Variants in EYS observed in about 807,000 individuals in gnomAD.
EYS encodes the protein EGF-like photoreceptor maintenance factor.
EYS carries 250 observed loss-of-function variants against 282.1 expected under a neutral mutation model. The ratio of observed to expected loss-of-function variants is 0.89; its 90% CI spans 0.80 to 0.98. The LOEUF is 0.98. Among genes scored for constraint, EYS ranks in the 50% least tolerant of loss-of-function variants. The pLI is 0.00. For synonymous variants in EYS, 1,355 were observed against 1,282.9 expected (o/e 1.06, Z -1.20); for missense variants, 4,016 against 3,709.0 (o/e 1.08, Z -2.15).
intron 5 of EYS, among the ~76,000 whole-genome samples, chr6:65,429,177 CAA>C (rs749099731): frequency 9.6e-5 from 12 of 125,590 alleles, no homozygotes; most frequent in African/African-American, 3.4e-4. Flanking sequence ...AAAATCATCT[CAA>C]AAAAAAAAAA....
intron 22 of EYS, among the ~76,000 whole-genome samples, chr6:64,730,048 T>A (rs898490637): frequency 5.3e-5 from 8 of 152,110 alleles, no homozygotes; most frequent in African/African-American, 1.9e-4. Context: ...AAACTAAGAG[T>A]GAAGCTTGAA....
intron 24 of EYS, among the ~76,000 whole-genome samples, chr6:64,616,418 TG>T (rs1347482792): frequency 1.2e-4 from 18 of 152,160 alleles, no homozygotes; most frequent in Non-Finnish European, 2.6e-4. Flanking sequence ...GGAAGATATC[TG>T]TTTGAGCTCA....
intron 12 of EYS, among the ~76,000 whole-genome samples, chr6:65,223,634 C>T (rs998349278): frequency 3.9e-4 from 60 of 152,064 alleles, no homozygotes; most frequent in African/African-American, 1.4e-3. Flanking sequence ...GAGAATATTG[C>T]CTAGAAGTAT....
At chr6:63,854,846 A>G (rs1398755892) in intron 36 of EYS, among the ~76,000 whole-genome samples, 1 of 152,220 alleles carries the variant, frequency 6.6e-6, no homozygotes, top group Admixed American at 6.5e-5. Flanking sequence ...AGTGGTCTCC[A>G]AGCTTGTTTA....
intron 26 of EYS, among the ~76,000 whole-genome samples, chr6:64,490,710 G>T (rs895023409): frequency 2.7e-5 from 4 of 150,694 alleles, no homozygotes; most frequent in African/African-American, 9.7e-5. Flanking sequence ...CATAAATATT[G>T]AAAAAGCAAA....
rs1307654919 is a variant in EYS at position 63,934,737 on chromosome 6, C to T, written c.7055+49646G>A. Reference sequence around the variant, plus strand: ...ACACAGGAAGGGGAGCATCACACACCAGGGCCTGTTGTGGCAGAGGGGGAG... The same window carrying T: ...ACACAGGAAGGGGAGCATCACACACTAGGGCCTGTTGTGGCAGAGGGGGAG... On this transcript the variant is annotated intron_variant, in intron 35 of 42. Coordinates refer to ENST00000503581, the MANE Select transcript of EYS (RefSeq NM_001142800.2). Among the ~76,000 whole-genome samples the T allele has an allele frequency of 1.5e-3, 179 of 122,756 alleles. 1 individual carries two copies. The highest frequency in any genetic ancestry group is 1.7e-3 in the Non-Finnish European group (104 of 62,452). The allele number at this position is 122,756 out of a possible 152,430, so 80.5% of individuals were successfully genotyped here.
intron 22 of EYS, among the ~76,000 whole-genome samples, chr6:64,714,303 C>T (rs1298435894): frequency 2.0e-5 from 3 of 152,072 alleles, no homozygotes; most frequent in African/African-American, 2.4e-5. Flanking sequence ...AAATCTAGTA[C>T]GGGAAGTATT....
At chr6:64,738,850 C>G (rs1158787880) in intron 22 of EYS, among the ~76,000 whole-genome samples, 3 of 152,148 alleles carry the variant, frequency 2.0e-5, no homozygotes, top group Non-Finnish European at 4.4e-5. Flanking sequence ...CTCCGCCTCC[C>G]AGGTTCAAGA....
At chr6:65,623,779 G>A (rs902287) in intron 2 of EYS, among the ~76,000 whole-genome samples, 109,220 of 152,074 alleles carry the variant, frequency 0.72, 39,605 homozygotes, top group Middle Eastern at 0.77. Context: ...TAGACGTCCA[G>A]TGAGTCACAA....
At chr6:64,780,316 A>G (rs1201160615) in intron 22 of EYS, among the ~76,000 whole-genome samples, 2 of 152,230 alleles carry the variant, frequency 1.3e-5, no homozygotes, top group Non-Finnish European at 2.9e-5. Context: ...ATGGTTGAAG[A>G]AAAGAAAATG....
At chr6:64,183,768 G>A (rs1247163524) in intron 31 of EYS, among the ~76,000 whole-genome samples, 1 of 152,034 alleles carries the variant, frequency 6.6e-6, no homozygotes, top group Non-Finnish European at 1.5e-5. Flanking sequence ...ACAGTGGTGG[G>A]ACATCAAAAT....
At position 64,547,507 on chromosome 6, in the gene EYS, G is replaced by T. The variant is rs966659135; in HGVS notation, c.5644+42716C>A. Among the ~76,000 whole-genome samples, 3 of 152,202 alleles carry T rather than the reference G, an allele frequency of 2.0e-5. No homozygotes were observed. In the East Asian group the frequency reaches 5.8e-4, roughly 29 times the overall value. On this transcript the variant is annotated intron_variant, in intron 26 of 42. Coordinates refer to ENST00000503581, the MANE Select transcript of EYS (RefSeq NM_001142800.2). Reference sequence around the variant, plus strand: ...AGCTAGATACAGAGTGTCGATTGGTGCATTCACAAACCCTGAGCTAGACAC... The same window carrying T: ...AGCTAGATACAGAGTGTCGATTGGTTCATTCACAAACCCTGAGCTAGACAC...
At chr6:65,595,585 C>T (rs574492324) in intron 2 of EYS, among the ~76,000 whole-genome samples, 11 of 151,270 alleles carry the variant, frequency 7.3e-5, no homozygotes, top group African/African-American at 2.7e-4. Context: ...CATTTGGAAT[C>T]TAAGGAGTTA....
chr6:65,694,586 A>G (rs1250842853), intron 1 of EYS, among the ~76,000 whole-genome samples: 1 of 150,148 alleles, frequency 6.7e-6, no homozygotes, highest in Non-Finnish European at 1.5e-5. Context: ...AACTAAAACT[A>G]TAAATATAGT....
intron 22 of EYS, among the ~76,000 whole-genome samples, chr6:64,693,620 T>G (rs898510867): frequency 1.3e-5 from 2 of 152,120 alleles, no homozygotes; most frequent in African/African-American, 2.4e-5. Flanking sequence ...AATCCTCACA[T>G]CATAGGTAAA....
At chr6:64,524,222 T>C (rs573065909) in intron 26 of EYS, among the ~76,000 whole-genome samples, 1 of 151,894 alleles carries the variant, frequency 6.6e-6, no homozygotes, top group East Asian at 1.9e-4. Flanking sequence ...TTTTTTGCCA[T>C]GATGATCTTA....
At chr6:65,030,414 CCCA>C (rs1772560973) in intron 13 of EYS, among the ~76,000 whole-genome samples, 1 of 152,120 alleles carries the variant, frequency 6.6e-6, no homozygotes, top group Non-Finnish European at 1.5e-5. Context: ...CTGCAGCCTC[CCCA>C]CACCACTATG....
chr6:64,852,420 C>T lies in EYS; in HGVS notation c.2993-29598G>A, dbSNP rs749672332. ...ATGTTTCCTGCCCTCAAACATCAGA[C>T]TCCAGGTTCTTCAGCTTTGGGACTC... On this transcript the variant is annotated intron_variant, in intron 19 of 42. Transcript: ENST00000503581. Among the ~76,000 whole-genome samples, 36 of 152,128 alleles carry T rather than the reference C, an allele frequency of 2.4e-4. 1 individual carries two copies. Among genetic ancestry groups the T allele is most frequent in the Non-Finnish European group, 4.6e-4 (31 of 68,008 alleles).
intron 5 of EYS, among the ~76,000 whole-genome samples, chr6:65,424,426 C>T (rs1350302063): frequency 2.0e-5 from 3 of 151,856 alleles, no homozygotes; most frequent in African/African-American, 7.2e-5. Context: ...GGAAATAATG[C>T]TTCCTTTGTT....
Sources: gnomAD v4.1 joint callset for allele counts (sites outside exome capture counted in the v4.1 genomes callset) on GRCh38, gnomAD v4.1.1 for gene constraint, MANE v1.5 for transcripts, NCBI Gene and HGNC (gene_info 2026-07-23, HGNC 2026-07-21) for gene names.